The following MRC1 variants were observed in gnomAD, a reference collection of about 807,000 sequenced individuals.
The protein encoded by MRC1 is mannose receptor C-type 1.
Under a neutral mutation model 102.9 loss-of-function variants are expected in MRC1, and 62 were observed. The ratio of observed to expected loss-of-function variants is 0.60; its 90% CI spans 0.49 to 0.74. The LOEUF is 0.74. Ranked by LOEUF, MRC1 falls within the 30% of genes least tolerant of loss-of-function variation. MRC1 has a pLI of 0.00. For synonymous variants in MRC1, 457 were observed against 298.4 expected (o/e 1.53, Z -5.48); for missense variants, 1,237 against 862.8 (o/e 1.43, Z -5.43).
At chr10:17,832,736 C>T (rs934023735) in intron 3 of MRC1, among the ~76,000 whole-genome samples, 84 of 150,982 alleles carry the variant, frequency 5.6e-4, no homozygotes, top group Non-Finnish European at 1.0e-3. Flanking sequence ...TACAGGCGCC[C>T]GCCACCACGC....
chr10:17,814,768 C>T (rs1554837698), intron 1 of MRC1, among the ~76,000 whole-genome samples: 1 of 149,884 alleles, frequency 6.7e-6, no homozygotes, highest in East Asian at 2.0e-4. Flanking sequence ...TCACCGCAAC[C>T]TCTGCTTCCT....
intron 25 of MRC1, 105 bp downstream of exon 25, chr10:17,901,058 G>A: frequency 1.4e-6 from 1 of 701,988 alleles, no homozygotes; most frequent in Non-Finnish European, 2.6e-6. Context: ...GGATAGCTAA[G>A]AATAATATAG....
At chr10:17,835,410 C>A (rs1283900891) in intron 4 of MRC1, among the ~76,000 whole-genome samples, 1 of 152,102 alleles carries the variant, frequency 6.6e-6, no homozygotes, top group African/African-American at 2.4e-5. Flanking sequence ...CAAAGCTGAC[C>A]CTGTCTTGTC....
At chr10:17,832,307 T>G (rs1291405016) in intron 3 of MRC1, among the ~76,000 whole-genome samples, 4 of 151,316 alleles carry the variant, frequency 2.6e-5, no homozygotes, top group African/African-American at 9.8e-5. Context: ...ACATGTTTTA[T>G]TCACTTTGGG....
chr10:17,871,972 T>C lies in MRC1; in HGVS notation c.2200-10T>C. On this transcript the variant is annotated splice_polypyrimidine_tract_variant and intron_variant, in intron 14 of 29. Coordinates refer to ENST00000569591, the MANE Select transcript of MRC1 (RefSeq NM_002438.4). ...TGGTTAATGGTTGTAGTTTAATGTT[T>C]CTAATATAGGTTTCATATGAAAACT... 1.3e-6 allele frequency: 1 copy of C among 780,288 alleles called. No homozygotes were observed. The highest frequency in any genetic ancestry group is 2.4e-6 in the Non-Finnish European group (1 of 417,668). 48.3% of individuals were successfully genotyped at this position (780,288 alleles called of 1,614,324 possible). A position where few individuals can be genotyped will look rare whatever the true frequency, so the allele number is the denominator to read the frequency against.
At position 17,809,536 on chromosome 10, in the gene MRC1, C is replaced by T; in HGVS notation, c.61+10C>T. ...GCTGTTCTCCTACTGGGTAAGTCTGCTCTGAGGCAGGGGATCTCTGACCTG... is the reference window on the plus strand; with the variant it reads ...GCTGTTCTCCTACTGGGTAAGTCTGTTCTGAGGCAGGGGATCTCTGACCTG... On this transcript the variant is annotated intron_variant, in intron 1 of 29. Coordinates refer to ENST00000569591, the MANE Select transcript of MRC1 (RefSeq NM_002438.4). The T allele has an allele frequency of 1.1e-6, 1 of 872,778 alleles. No individual in the cohort carries two copies. The highest frequency in any genetic ancestry group is 1.6e-5 in the African/African-American group (1 of 61,432). 54.1% of individuals were successfully genotyped at this position (872,778 alleles called of 1,614,324 possible).
intron 6 of MRC1, among the ~76,000 whole-genome samples, chr10:17,845,787 A>C (rs1332848210): frequency 6.6e-6 from 1 of 152,190 alleles, no homozygotes; most frequent in Non-Finnish European, 1.5e-5. Flanking sequence ...TAGAAAGTCA[A>C]CATTTGGAAG....
rs1221599378 is a variant in MRC1, at chr10:17,910,569, G to T, written c.*104G>T. The stretch of plus-strand genomic sequence containing the variant: ...TTTTCTTTAAAATGAGTACTGAATT[G>T]TACTGGTCTGTCCTTTTTTCCTTTG... On this transcript the variant is annotated 3_prime_UTR_variant, in exon 30 of 30. Transcript: ENST00000569591. 13 of 765,676 alleles carry T rather than the reference G, an allele frequency of 1.7e-5. No homozygotes were observed. The highest frequency in any genetic ancestry group is 8.4e-5 in the South Asian group (6 of 71,718). 47.4% of individuals were successfully genotyped at this position (765,676 alleles called of 1,614,324 possible).
chr10:17,879,657 CT>C, intron 18 of MRC1, 63 bp from the exon 19 acceptor site: 1 of 780,768 alleles, frequency 1.3e-6, no homozygotes, highest in Non-Finnish European at 2.4e-6. Flanking sequence ...GCCACTGCTC[CT>C]GGCCTGTATC....
chr10:17,870,435 A>G, intron 13 of MRC1, 62 bp downstream of exon 13: 1 of 779,374 alleles, frequency 1.3e-6, no homozygotes, highest in East Asian at 2.4e-5. Flanking sequence ...TGAAGTTGAG[A>G]AAATTTGTCT....
chr10:17,863,411 A>G (rs1833213874), intron 10 of MRC1, 123 bp from the exon 11 acceptor site: 9 of 716,528 alleles, frequency 1.3e-5, no homozygotes, highest in Non-Finnish European at 2.6e-6. Flanking sequence ...AACACAATAT[A>G]TTTGAATTAC....
intron 4 of MRC1, among the ~76,000 whole-genome samples, chr10:17,836,919 G>C (rs1328202615): frequency 6.6e-6 from 1 of 152,232 alleles, no homozygotes; most frequent in East Asian, 1.9e-4. Flanking sequence ...TTCAGTTGAT[G>C]TGTTTTTGGT....
intron 26 of MRC1, among the ~76,000 whole-genome samples, chr10:17,903,496 A>C (rs1472614951): frequency 2.7e-4 from 40 of 147,380 alleles, no homozygotes; most frequent in African/African-American, 9.2e-4. Context: ...CCCAGGTTCA[A>C]GCAGTTCTTC....
At chr10:17,821,698 A>G (rs1554838291) in intron 1 of MRC1, among the ~76,000 whole-genome samples, 1 of 152,144 alleles carries the variant, frequency 6.6e-6, no homozygotes, top group Non-Finnish European at 1.5e-5. Context: ...AAGTGGTGCT[A>G]ACCTCCCTGG....
intron 24 of MRC1, among the ~76,000 whole-genome samples, chr10:17,898,772 G>A (rs1833789353): frequency 6.6e-6 from 1 of 152,136 alleles, no homozygotes; most frequent in East Asian, 1.9e-4. Context: ...GACTAAGGTT[G>A]GCAAAGACTA....
chr10:17,828,319 G>A (rs1179079186), intron 3 of MRC1, among the ~76,000 whole-genome samples: 16 of 151,520 alleles, frequency 1.1e-4, no homozygotes, highest in East Asian at 9.7e-4. Context: ...CTCGTGATCC[G>A]CCCACCTCGC....
At position 17,863,577 on chromosome 10, in the gene MRC1, G is replaced by A. The variant is rs1833216872; in HGVS notation, c.1678G>A (p.Glu560Lys). The change falls in exon 11 of 30, where the codon GAA (glutamate) becomes AAA (lysine). Residue 560 changes from glutamate to lysine, a missense_variant. Transcript: ENST00000569591. ...FLTSFVGLRP[E>K]KYFWTGLSDI... ...GACTAGTTTCGTTGGCTTAAGGCCT[G>A]AAAAATATTTCTGGACAGGACTTTC... 1 of 780,830 alleles carries A rather than the reference G, an allele frequency of 1.3e-6. No individual in the cohort carries two copies. The highest frequency in any genetic ancestry group is 2.4e-5 in the East Asian group (1 of 41,254). 48.4% of individuals were successfully genotyped at this position (780,830 alleles called of 1,614,324 possible).
intron 3 of MRC1, among the ~76,000 whole-genome samples, chr10:17,831,055 AT>A (rs34705004): frequency 0.071 from 10,051 of 141,822 alleles, 726 homozygotes; most frequent in African/African-American, 0.16. Flanking sequence ...TACCTGGGTA[AT>A]TTTTTTTTTT....
chr10:17,894,726 T>TAA (rs1164270684), intron 23 of MRC1, among the ~76,000 whole-genome samples: 1 of 152,110 alleles, frequency 6.6e-6, no homozygotes, highest in Non-Finnish European at 1.5e-5. Context: ...TATTTTACTT[T>TAA]AAGTTCCAGG....
Sources: gnomAD v4.1 joint callset for allele counts (sites outside exome capture counted in the v4.1 genomes callset) on GRCh38, gnomAD v4.1.1 for gene constraint, MANE v1.5 for transcripts, NCBI Gene and HGNC (gene_info 2026-07-23, HGNC 2026-07-21) for gene names.